The following ABLIM1 variants were observed in gnomAD, a reference collection of about 807,000 sequenced individuals.
The protein encoded by ABLIM1 is actin binding LIM protein 1.
ABLIM1 carries 40 observed loss-of-function variants against 107.0 expected under a neutral mutation model. The observed-to-expected ratio is 0.37, with a 90% CI of 0.29 to 0.49. The LOEUF (loss-of-function observed/expected upper bound fraction) is 0.49, where lower values mean the gene tolerates loss of function less well. Among genes scored for constraint, ABLIM1 ranks in the 20% least tolerant of loss-of-function variants. The pLI, the probability that ABLIM1 is intolerant of heterozygous loss-of-function variation, is 0.97. For synonymous variants in ABLIM1, 357 were observed against 357.3 expected, an observed-to-expected ratio of 1.00 and a Z score of 0.01; for missense variants, 857 against 1,008.5, an observed-to-expected ratio of 0.85 and a Z score of 2.04.
the ABLIM1 span, among the ~76,000 whole-genome samples, chr10:114,786,422 G>A: frequency 6.6e-6 from 1 of 152,168 alleles, no homozygotes; most frequent in Non-Finnish European, 1.5e-5. Context: ...TCGATAGTAA[G>A]TTGTATAAAA....
At chr10:114,765,097 C>T (rs1362107460) in intron 1 of ABLIM1, 1 of 152,386 alleles carries the variant, frequency 6.6e-6, no homozygotes, top group East Asian at 1.9e-4. Flanking sequence ...TGGAGTCTCG[C>T]TCTGTCTGGC....
chr10:114,480,194 C>G (rs778181206), intron 8 of ABLIM1, among the ~76,000 whole-genome samples: 1 of 152,116 alleles, frequency 6.6e-6, no homozygotes, highest in Non-Finnish European at 1.5e-5. Flanking sequence ...TCTAAATTAC[C>G]ATTTCCACCC....
At chr10:114,579,305 A>G (rs1348068289) in intron 2 of ABLIM1, among the ~76,000 whole-genome samples, 1 of 152,246 alleles carries the variant, frequency 6.6e-6, no homozygotes, top group East Asian at 1.9e-4. Flanking sequence ...TGGTATTAAA[A>G]AGAATGAATT....
At chr10:114,754,441 G>C (rs2082586558) in intron 1 of ABLIM1, among the ~76,000 whole-genome samples, 2 of 152,238 alleles carry the variant, frequency 1.3e-5, no homozygotes, top group Admixed American at 6.5e-5. Context: ...ACAGAATGCA[G>C]TCTAGACGTG....
At chr10:114,538,894 A>G (rs1395186533) in intron 6 of ABLIM1, among the ~76,000 whole-genome samples, 1 of 152,244 alleles carries the variant, frequency 6.6e-6, no homozygotes, top group Non-Finnish European at 1.5e-5. Context: ...AGAGGCCAAG[A>G]GAAAGTCAAG....
chr10:114,711,077 T>C lies in ABLIM1; in HGVS notation c.-213+56984A>G, dbSNP rs112366087. Among the ~76,000 whole-genome samples, 814 of 152,368 alleles carry C rather than the reference T, an allele frequency of 5.3e-3. 1 individual carries two copies. The highest frequency in any genetic ancestry group is 0.014 in the Middle Eastern group (4 of 294). On this transcript the variant is annotated intron_variant, in intron 1 of 15. Coordinates refer to the ABLIM1 transcript ENST00000651092. ...TATTCCTACTCTTTTGAAGAATCTGTTGTCCCTGTATGTCTTCTGTTTCTG... is the reference window on the plus strand; with the variant it reads ...TATTCCTACTCTTTTGAAGAATCTGCTGTCCCTGTATGTCTTCTGTTTCTG...
chr10:114,523,635 AAG>A (rs1404984501), intron 6 of ABLIM1, among the ~76,000 whole-genome samples: 1 of 152,182 alleles, frequency 6.6e-6, no homozygotes, highest in African/African-American at 2.4e-5. Context: ...GCATCCTTCA[AAG>A]AGTTTTCTGG....
intron 6 of ABLIM1, among the ~76,000 whole-genome samples, chr10:114,510,611 C>A (rs2061713618): frequency 6.6e-6 from 1 of 151,576 alleles, no homozygotes; most frequent in African/African-American, 2.4e-5. Context: ...CTCCAAGCTT[C>A]TACTGCTACC....
intron 2 of ABLIM1, among the ~76,000 whole-genome samples, chr10:114,597,481 GA>G (rs1046262741): frequency 1.4e-4 from 19 of 139,468 alleles, no homozygotes; most frequent in Non-Finnish European, 1.7e-4. Flanking sequence ...GGAAATGAAA[GA>G]ATGAAAGAAA....
chr10:114,510,799 C>T (rs1367208824), intron 6 of ABLIM1, among the ~76,000 whole-genome samples: 1 of 151,800 alleles, frequency 6.6e-6, no homozygotes, highest in East Asian at 1.9e-4. Context: ...TATAGGCATG[C>T]ACCACCATTC....
intron 1 of ABLIM1, among the ~76,000 whole-genome samples, chr10:114,705,993 CTTACCCT>C (rs2081413639): frequency 6.6e-6 from 1 of 152,158 alleles, no homozygotes; most frequent in Admixed American, 6.5e-5. Flanking sequence ...AGTCATCATT[CTTACCCT>C]AAAGAACTGG....
intron 1 of ABLIM1, among the ~76,000 whole-genome samples, chr10:114,672,315 T>C (rs1368285457): frequency 2.0e-5 from 3 of 152,086 alleles, no homozygotes; most frequent in East Asian, 3.9e-4. Flanking sequence ...ATCCTCCCAC[T>C]TCAGCCTGCC....
chr10:114,478,506 T>C (rs762214299), intron 8 of ABLIM1, among the ~76,000 whole-genome samples: 5 of 152,210 alleles, frequency 3.3e-5, no homozygotes, highest in Non-Finnish European at 7.3e-5. Flanking sequence ...GCTGTTCTCA[T>C]GATAGTGAGA....
chr10:114,482,563 T>C (rs899052312), intron 8 of ABLIM1, among the ~76,000 whole-genome samples: 1 of 152,226 alleles, frequency 6.6e-6, no homozygotes, highest in Admixed American at 6.5e-5. Flanking sequence ...ATCTTAAAGG[T>C]ACTGGTGAGC....
intron 14 of ABLIM1, chr10:114,450,028 CAG>C: frequency 3.7e-6 from 1 of 271,864 alleles, no homozygotes; most frequent in South Asian, 3.7e-5. Flanking sequence ...TATTTTTGTT[CAG>C]AGAGGAGGAC....
intron 2 of ABLIM1, among the ~76,000 whole-genome samples, chr10:114,593,720 C>T (rs2075139434): frequency 6.6e-6 from 1 of 152,090 alleles, no homozygotes; most frequent in Non-Finnish European, 1.5e-5. Flanking sequence ...TAATTCAAAA[C>T]AAAAAGTTAT....
intron 6 of ABLIM1, among the ~76,000 whole-genome samples, chr10:114,503,614 C>T (rs979511144): frequency 3.3e-5 from 5 of 151,992 alleles, no homozygotes; most frequent in South Asian, 2.1e-4. Flanking sequence ...GTTTATGTTT[C>T]GCTTCAGTAG....
the ABLIM1 span, among the ~76,000 whole-genome samples, chr10:114,796,528 T>C: frequency 6.6e-6 from 1 of 152,164 alleles, no homozygotes; most frequent in Non-Finnish European, 1.5e-5. Flanking sequence ...AGACATAACA[T>C]ACTTCTGCTG....
chr10:114,726,674 C>T (rs965549175), intron 1 of ABLIM1, among the ~76,000 whole-genome samples: 7 of 151,948 alleles, frequency 4.6e-5, no homozygotes, highest in South Asian at 2.1e-4. Context: ...TCCAGCTATT[C>T]GGGAGGCTGA....
Sources: allele counts gnomAD v4.1 joint callset (sites outside exome capture counted in the v4.1 genomes callset), GRCh38; gene constraint gnomAD v4.1.1; transcripts MANE v1.5; gene names NCBI Gene and HGNC (gene_info 2026-07-23, HGNC 2026-07-21).